Variants in CTNND2 observed in about 807,000 individuals in gnomAD.
CTNND2 encodes catenin delta-2.
Under a neutral mutation model 144.4 loss-of-function variants are expected in CTNND2, and 22 were observed. The observed-to-expected ratio is 0.15, with a 90% CI of 0.11 to 0.22. CTNND2 has a LOEUF of 0.22. Among genes scored for constraint, CTNND2 ranks in the 10% least tolerant of loss-of-function variants. The pLI is 1.00. For synonymous variants in CTNND2, 751 were observed against 695.6 expected, an observed-to-expected ratio of 1.08 and a Z score of -1.25; for missense variants, 1,353 against 1,618.8, an observed-to-expected ratio of 0.84 and a Z score of 2.82.
intron 1 of CTNND2, among the ~76,000 whole-genome samples, chr5:11,825,875 T>C (rs1793574750): frequency 6.6e-6 from 1 of 152,078 alleles, no homozygotes; most frequent in Non-Finnish European, 1.5e-5. Context: ...CTAGGAATTC[T>C]ATACCTAGTG....
At chr5:11,075,135 AG>A (rs1455358525) in intron 16 of CTNND2, among the ~76,000 whole-genome samples, 1 of 152,232 alleles carries the variant, frequency 6.6e-6, no homozygotes, top group African/African-American at 2.4e-5. Context: ...CTCACTACAC[AG>A]GGGGGCGCTG....
chr5:11,642,943 T>TGGGTCAGTTA (rs1406790272), intron 2 of CTNND2, among the ~76,000 whole-genome samples: 1 of 152,186 alleles, frequency 6.6e-6, no homozygotes, highest in Non-Finnish European at 1.5e-5. Context: ...TGCATGCATT[T>TGGGTCAGTTA]GGGTCAGTTA....
At chr5:11,410,306 T>C (rs1761410084) in intron 5 of CTNND2, among the ~76,000 whole-genome samples, 1 of 152,184 alleles carries the variant, frequency 6.6e-6, no homozygotes, top group African/African-American at 2.4e-5. Flanking sequence ...AATCTGTGTA[T>C]ACACAGCAAT....
At position 11,175,157 on chromosome 5, in the gene CTNND2, A is replaced by G. The variant is rs1219227756; in HGVS notation, c.1976-15398T>C. Among the ~76,000 whole-genome samples, 9 of 152,028 alleles carry G rather than the reference A, an allele frequency of 5.9e-5. No individual in the cohort carries two copies. The South Asian group carries it at 1.5e-3, about 25-fold the overall frequency. The stretch of plus-strand genomic sequence containing the variant: ...TTTACATAGTAATTTCTCTGTATGG[A>G]TATATATGGTATAAAATAAATTCCA... On this transcript the variant is annotated intron_variant, in intron 11 of 21. Coordinates refer to ENST00000304623, the MANE Select transcript of CTNND2 (RefSeq NM_001332.4).
intron 9 of CTNND2, among the ~76,000 whole-genome samples, chr5:11,337,769 A>G (rs1257505946): frequency 1.3e-5 from 2 of 152,108 alleles, no homozygotes; most frequent in Admixed American, 1.3e-4. Context: ...ATTATTGGGG[A>G]CCTTAAAATT....
intron 2 of CTNND2, among the ~76,000 whole-genome samples, chr5:11,689,881 T>G (rs961555162): frequency 6.6e-5 from 10 of 152,220 alleles, no homozygotes; most frequent in Non-Finnish European, 7.3e-5. Flanking sequence ...CAGAAGCTAT[T>G]TTGTTACAGC....
At chr5:10,987,393 T>C (rs1281114926) in intron 20 of CTNND2, among the ~76,000 whole-genome samples, 2 of 152,182 alleles carry the variant, frequency 1.3e-5, no homozygotes, top group Admixed American at 1.3e-4. Flanking sequence ...AGATACCCAC[T>C]GTACCAATTC....
intron 6 of CTNND2, among the ~76,000 whole-genome samples, chr5:11,395,519 AC>A (rs1406209154): frequency 1.3e-5 from 2 of 152,232 alleles, no homozygotes; most frequent in Non-Finnish European, 2.9e-5. Flanking sequence ...ATGTCTTCAA[AC>A]TATAACTCTG....
chr5:11,515,818 T>G (rs1296886073), intron 3 of CTNND2, among the ~76,000 whole-genome samples: 1 of 152,162 alleles, frequency 6.6e-6, no homozygotes, highest in Admixed American at 6.6e-5. Flanking sequence ...ATGAAAAATT[T>G]GTTAATAGTT....
intron 9 of CTNND2, among the ~76,000 whole-genome samples, chr5:11,306,048 T>C (rs139638730): frequency 6.6e-5 from 10 of 152,316 alleles, no homozygotes; most frequent in African/African-American, 2.4e-4. Context: ...TACTTGTTCT[T>C]AAATGTAACA....
chr5:11,568,495 TTC>T (rs1469536964), intron 2 of CTNND2, among the ~76,000 whole-genome samples: 1 of 152,198 alleles, frequency 6.6e-6, no homozygotes, highest in African/African-American at 2.4e-5. Context: ...TGGAATGGTA[TTC>T]TCTTTGGAGT....
intron 2 of CTNND2, among the ~76,000 whole-genome samples, chr5:11,702,012 C>A (rs138239480): frequency 1.3e-5 from 2 of 152,146 alleles, no homozygotes; most frequent in East Asian, 3.9e-4. Flanking sequence ...GGAAAGCACT[C>A]GGGCAGTTGG....
chr5:11,272,475 T>C (rs984471292), intron 9 of CTNND2, among the ~76,000 whole-genome samples: 4 of 152,198 alleles, frequency 2.6e-5, no homozygotes, highest in South Asian at 2.1e-4. Context: ...GATCCACCCA[T>C]GCCACACTCA....
chr5:11,224,254 T>G (rs1185442500), intron 10 of CTNND2, among the ~76,000 whole-genome samples: 2 of 152,162 alleles, frequency 1.3e-5, no homozygotes, highest in South Asian at 2.1e-4. Context: ...AATTCCTGAG[T>G]GTGCCTCGTC....
chr5:11,395,431 C>T (rs1429039537), intron 6 of CTNND2, among the ~76,000 whole-genome samples: 1 of 152,210 alleles, frequency 6.6e-6, no homozygotes, highest in Non-Finnish European at 1.5e-5. Flanking sequence ...GTGCATCCTA[C>T]CCACTGCCAG....
At chr5:11,127,603 A>G (rs1580359318) in intron 12 of CTNND2, among the ~76,000 whole-genome samples, 1 of 152,310 alleles carries the variant, frequency 6.6e-6, no homozygotes, top group East Asian at 1.9e-4. Context: ...CTGGGTTTCC[A>G]GGCTGCTTTG....
chr5:11,808,012 T>A (rs1271296067), intron 1 of CTNND2, among the ~76,000 whole-genome samples: 1 of 152,118 alleles, frequency 6.6e-6, no homozygotes, highest in Admixed American at 6.5e-5. Context: ...GAACTTCTCA[T>A]CAGATGGAGG....
At chr5:10,978,692 C>G (rs1736821858) in intron 21 of CTNND2, among the ~76,000 whole-genome samples, 2 of 152,206 alleles carry the variant, frequency 1.3e-5, no homozygotes. Flanking sequence ...GCGGAGCTTG[C>G]TCTCCATCCA....
intron 1 of CTNND2, among the ~76,000 whole-genome samples, chr5:11,813,280 G>A (rs566363403): frequency 1.7e-4 from 26 of 152,082 alleles, no homozygotes; most frequent in Non-Finnish European, 3.7e-4. Context: ...CGCAATATTC[G>A]CATAACGACG....
Sources: gnomAD v4.1 joint callset for allele counts (sites outside exome capture counted in the v4.1 genomes callset) on GRCh38, gnomAD v4.1.1 for gene constraint, MANE v1.5 for transcripts, NCBI Gene and HGNC (gene_info 2026-07-23, HGNC 2026-07-21) for gene names.